The following PSMD5 variants were observed in gnomAD, a reference collection of about 807,000 sequenced individuals.
PSMD5 encodes the protein proteasome 26S subunit, non-ATPase 5, also known as 26S proteasome non-ATPase regulatory subunit 5.
A neutral mutation model predicts 52.1 loss-of-function variants in PSMD5; 40 were observed. The ratio of observed to expected loss-of-function variants is 0.77; its 90% CI spans 0.60 to 1.00. The LOEUF is 1.00. PSMD5 is among the 50% of genes least tolerant of loss of function. The probability of loss-of-function intolerance (pLI) is 0.00; values close to 1 mark genes in which losing one functional copy is unlikely to be tolerated. For synonymous variants in PSMD5, 211 were observed against 226.6 expected (o/e 0.93, Z 0.62); for missense variants, 575 against 605.2 (o/e 0.95, Z 0.52).
intron 7 of PSMD5, among the ~76,000 whole-genome samples, chr9:120,823,062 T>G (rs2045097203): frequency 6.6e-6 from 1 of 151,912 alleles, no homozygotes; most frequent in Admixed American, 6.6e-5. Flanking sequence ...CCTCCCGCCT[T>G]GGCCTCCTGA....
At chr9:120,842,182 C>G (rs577299018) in intron 1 of PSMD5, 4 of 153,962 alleles carry the variant, frequency 2.6e-5, no homozygotes, top group African/African-American at 9.6e-5. Context: ...AGCCACATCT[C>G]GGGAAGGTTT....
chr9:120,818,054 T>A lies in PSMD5; in HGVS notation c.1367A>T (p.Lys456Ile), dbSNP rs773597841. 6.2e-7 allele frequency: 1 copy of A among 1,614,204 alleles called. No individual in the cohort carries two copies. Among genetic ancestry groups the A allele is most frequent in the Admixed American group, 1.7e-5 (1 of 60,026 alleles). ...VEHDKASKDA[K>I]YELVKALANS... is the part of the protein sequence containing the mutation. ...GGCAAGTGCTTTCACTAGTTCATAT[T>A]TGGCATCCTTTGAAGCTTTGTCATG... is the stretch of plus-strand genomic sequence containing the variant. The change falls in exon 10 of 10, where the codon AAA (lysine) becomes ATA (isoleucine). Residue 456 changes from lysine to isoleucine, a missense_variant. Lys to Ile is a moderately radical substitution (Grantham distance 102). Coordinates refer to ENST00000210313, the MANE Select transcript of PSMD5 (RefSeq NM_005047.4).
At position 120,829,080 on chromosome 9, in the gene PSMD5, A is replaced by C. The variant is rs539648997; in HGVS notation, c.671+19T>G. 1.0e-4 allele frequency: 155 copies of C among 1,539,728 alleles called. 2 individuals are homozygous for C. The South Asian group carries it at 1.6e-3, about 16-fold the overall frequency. On this transcript the variant is annotated intron_variant, in intron 5 of 9. Transcript: ENST00000210313. ...CCTTCAAAAGAGGATATTTCACTTT[A>C]AGAACTCAGTCAACACACCTGACCA...
intron 9 of PSMD5, among the ~76,000 whole-genome samples, chr9:120,818,886 A>G (rs980037439): frequency 4.6e-5 from 7 of 152,214 alleles, no homozygotes; most frequent in Non-Finnish European, 7.3e-5. Flanking sequence ...TACACACAAT[A>G]TGTAGTAGAA....
chr9:120,826,731 C>G, intron 6 of PSMD5, 34 bp downstream of exon 6: 1 of 1,603,146 alleles, frequency 6.2e-7, no homozygotes, highest in Non-Finnish European at 8.5e-7. Context: ...ATAAAACACG[C>G]ACCATCATTT....
Position 120,817,885 on chromosome 9 carries a change from C to CTA in PSMD5, c.*19_*20dup, listed in dbSNP as rs571149299. On this transcript the variant is annotated 3_prime_UTR_variant, in exon 10 of 10. Transcript: ENST00000210313. ...GAAGTTTTGGTCAAAACGTGGTCCT[C>CTA]TACATGAGCTCTAGAAGAAATCATT... is the stretch of plus-strand genomic sequence containing the variant. 6,842 of 1,600,940 alleles carry CTA rather than the reference C, an allele frequency of 4.3e-3. 29 individuals carry two copies. Among genetic ancestry groups the CTA allele is most frequent in the Non-Finnish European group, 4.4e-3 (5,202 of 1,170,564 alleles).
In PSMD5 at chr9:120,824,516, T is replaced by C. The variant is rs544079478; in HGVS notation, c.984A>G (p.Gly328=). The part of the protein sequence containing the change: ...TVGILGSNVE[G]KQVLQKTGTR... ...AACCTGTTTTCTGTAAAACCTGTTT[T>C]CCTTCAACATTGGATCCCAAGATTC... The change falls in exon 7 of 10, where the codon GGA becomes GGG. Residue 328 remains glycine (G), a synonymous_variant. Transcript: ENST00000210313. 1.5e-5 allele frequency: 25 copies of C among 1,614,018 alleles called. No individual in the cohort carries two copies. Among genetic ancestry groups the C allele is most frequent in the Non-Finnish European group, 2.0e-5 (24 of 1,180,032 alleles).
At chr9:120,820,743 G>A in intron 9 of PSMD5, 96 bp downstream of exon 9, 1 of 1,258,176 alleles carries the variant, frequency 7.9e-7, no homozygotes, top group South Asian at 1.9e-5. Flanking sequence ...ATGCACTTGT[G>A]CATCCCCAGA....
chr9:120,821,476 A>C lies in PSMD5; in HGVS notation c.1007-12T>G. On this transcript the variant is annotated splice_polypyrimidine_tract_variant and intron_variant, in intron 7 of 9. Transcript: ENST00000210313. ...TTCAAAGCGAGTTCCTTTGAAGGAT[A>C]ACAGTGAGATTCTTCTTTATTATGG... is the stretch of plus-strand genomic sequence containing the variant. 6.6e-7 allele frequency: 1 copy of C among 1,518,974 alleles called. No homozygotes were observed. Among genetic ancestry groups the C allele is most frequent in the Non-Finnish European group, 9.0e-7 (1 of 1,116,654 alleles). The allele number at this position is 1,518,974 out of a possible 1,614,324, so 94.1% of individuals were successfully genotyped here.
chr9:120,835,372 G>A (rs532296948), intron 1 of PSMD5, among the ~76,000 whole-genome samples: 1 of 152,200 alleles, frequency 6.6e-6, no homozygotes, highest in African/African-American at 2.4e-5. Flanking sequence ...GACACAAAAG[G>A]CTTCCTTTTG....
intron 4 of PSMD5, among the ~76,000 whole-genome samples, chr9:120,830,467 G>A (rs1489341582): frequency 5.3e-5 from 8 of 152,180 alleles, no homozygotes; most frequent in Non-Finnish European, 5.9e-5. Context: ...GTAGAGTACC[G>A]TGAAAGCAGG....
intron 4 of PSMD5, among the ~76,000 whole-genome samples, chr9:120,829,447 G>A (rs2045145738): frequency 6.6e-6 from 1 of 152,186 alleles, no homozygotes; most frequent in African/African-American, 2.4e-5. Flanking sequence ...AGGCTGGAGT[G>A]CAGTGGCGTG....
At chr9:120,838,547 A>C (rs1254785576) in intron 1 of PSMD5, among the ~76,000 whole-genome samples, 1 of 152,240 alleles carries the variant, frequency 6.6e-6, no homozygotes, top group African/African-American at 2.4e-5. Context: ...AAGTATCTGA[A>C]GACTGCCAGA....
chr9:120,821,321 C>T, intron 8 of PSMD5, 34 bp downstream of exon 8: 1 of 1,330,990 alleles, frequency 7.5e-7, no homozygotes, highest in Non-Finnish European at 1.0e-6. Flanking sequence ...CCAAACATAT[C>T]CCACTGTCCT....
At chr9:120,821,215 T>C (rs527384919) in intron 8 of PSMD5, 140 bp downstream of exon 8, 92 of 721,722 alleles carry the variant, frequency 1.3e-4, no homozygotes, top group Admixed American at 3.5e-4. Context: ...TATGATTCCA[T>C]TTTAAATTAA....
rs1193924350 is a variant in PSMD5, at chr9:120,842,807, T to G, written c.103A>C (p.Asn35His). ...TCCGCCGCTTGCTGGCGAAGCTCGT[T>G]GAGCGGCACTGCCTGCAGCACGGAG... The part of the protein sequence containing the change: ...LHSVLQAVPL[N>H]ELRQQAAELR... The change falls in exon 1 of 10, where the codon AAC becomes CAC. Residue 35 changes from asparagine (N) to histidine (H), a missense_variant. Coordinates refer to ENST00000210313, the MANE Select transcript of PSMD5 (RefSeq NM_005047.4). 3.7e-6 allele frequency: 6 copies of G among 1,612,378 alleles called. No homozygotes were observed. Among genetic ancestry groups the G allele is most frequent in the Non-Finnish European group, 5.1e-6 (6 of 1,179,886 alleles).
intron 9 of PSMD5, 49 bp from the exon 10 acceptor site, chr9:120,818,212 T>C (rs1432874570): frequency 1.3e-6 from 2 of 1,557,122 alleles, no homozygotes; most frequent in South Asian, 2.4e-5. Context: ...GGAAGTTGTT[T>C]GTTAATGGGA....
intron 1 of PSMD5, 92 bp from the exon 2 acceptor site, chr9:120,833,548 C>T: frequency 7.5e-7 from 1 of 1,325,598 alleles, no homozygotes; most frequent in Non-Finnish European, 1.0e-6. Flanking sequence ...TCAGCGTCTC[C>T]TCCACACAGA....
At chr9:120,842,626 C>G (rs1262501530) in intron 1 of PSMD5, 111 bp downstream of exon 1, 3 of 1,378,384 alleles carry the variant, frequency 2.2e-6, no homozygotes, top group Non-Finnish European at 2.9e-6. Flanking sequence ...ATTTCGGCTA[C>G]TTTCCACCTC....
Sources: gnomAD v4.1 joint callset for allele counts (sites outside exome capture counted in the v4.1 genomes callset) on GRCh38, gnomAD v4.1.1 for gene constraint, MANE v1.5 for transcripts, NCBI Gene and HGNC (gene_info 2026-07-23, HGNC 2026-07-21) for gene names.